The following DENND5B variants were observed in gnomAD, a reference collection of about 807,000 sequenced individuals.
The protein encoded by DENND5B is DENN domain containing 5B, also known as DENN domain-containing protein 5B.
DENND5B carries 34 observed loss-of-function variants against 140.6 expected under a neutral mutation model. The ratio of observed to expected loss-of-function variants is 0.24; its 90% CI spans 0.18 to 0.32. DENND5B has a LOEUF of 0.32. DENND5B is among the 10% of genes least tolerant of loss of function. The pLI is 1.00. For synonymous variants in DENND5B, 551 were observed against 562.1 expected (o/e 0.98, Z 0.28); for missense variants, 1,142 against 1,560.2 (o/e 0.73, Z 4.52).
chr12:31,565,493 G>C (rs986525527), intron 1 of DENND5B, among the ~76,000 whole-genome samples: 1 of 152,212 alleles, frequency 6.6e-6, no homozygotes, highest in Non-Finnish European at 1.5e-5. Flanking sequence ...TCCTAAAACA[G>C]ATGCACAACC....
chr12:31,516,278 C>T (rs1490939127), intron 1 of DENND5B, among the ~76,000 whole-genome samples: 1 of 151,958 alleles, frequency 6.6e-6, no homozygotes. Flanking sequence ...GAGTTTGAGA[C>T]CAGCCTGGGC....
chr12:31,477,010 T>C (rs926362862), intron 3 of DENND5B, among the ~76,000 whole-genome samples: 1 of 152,030 alleles, frequency 6.6e-6, no homozygotes, highest in Non-Finnish European at 1.5e-5. Flanking sequence ...GAGTGGATCA[T>C]GAGGTCAGGA....
At chr12:31,422,094 G>A (rs10843942) in intron 11 of DENND5B, among the ~76,000 whole-genome samples, 85,865 of 151,544 alleles carry the variant, frequency 0.57, 24,764 homozygotes, top group East Asian at 0.82. Context: ...GCCCTCTAGG[G>A]GCAGTGAGGG....
At chr12:31,438,279 C>A (rs1469566848) in intron 7 of DENND5B, among the ~76,000 whole-genome samples, 1 of 152,168 alleles carries the variant, frequency 6.6e-6, no homozygotes, top group African/African-American at 2.4e-5. Flanking sequence ...GGCCAATATT[C>A]CAGATTTTTA....
intron 1 of DENND5B, among the ~76,000 whole-genome samples, chr12:31,527,410 T>C (rs1948122791): frequency 6.6e-6 from 1 of 152,158 alleles, no homozygotes; most frequent in Non-Finnish European, 1.5e-5. Context: ...CCAGATCATA[T>C]GAGGGATCTG....
At chr12:31,547,766 T>C (rs1451490334) in intron 1 of DENND5B, among the ~76,000 whole-genome samples, 1 of 151,740 alleles carries the variant, frequency 6.6e-6, no homozygotes, top group Non-Finnish European at 1.5e-5. Flanking sequence ...AGTGCAATGG[T>C]GCGATCTTGG....
intron 11 of DENND5B, among the ~76,000 whole-genome samples, chr12:31,422,322 C>T (rs936278840): frequency 1.3e-5 from 2 of 151,090 alleles, no homozygotes; most frequent in African/African-American, 4.9e-5. Context: ...CCCAGCTACT[C>T]GGGAGGCTGA....
rs562252814 is a variant in DENND5B, at chr12:31,503,076, A to C, written c.128-7157T>G. ...TCCAGAAACACACTTCTGGGAGGGA[A>C]ACAATTGTTACATATGGGACTAGCA... On this transcript the variant is annotated intron_variant, in intron 1 of 20. Coordinates refer to ENST00000389082, the MANE Select transcript of DENND5B (RefSeq NM_144973.4). 2.6e-5 allele frequency among the ~76,000 whole-genome samples: 4 copies of C among 152,100 alleles called. No individual in the cohort carries two copies. In the South Asian group the frequency reaches 6.2e-4, roughly 24 times the overall value.
At chr12:31,534,737 T>C (rs924440739) in intron 1 of DENND5B, 3 of 339,944 alleles carry the variant, frequency 8.8e-6, no homozygotes, top group African/African-American at 4.5e-5. Context: ...AGAATTTGTA[T>C]AGCCTTCCAC....
At chr12:31,488,117 G>A (rs1591903102) in intron 2 of DENND5B, among the ~76,000 whole-genome samples, 2 of 144,452 alleles carry the variant, frequency 1.4e-5, no homozygotes, top group South Asian at 2.3e-4. Context: ...GATTATAGGC[G>A]TGCATACCCG....
chr12:31,464,752 G>A (rs1945182314), intron 3 of DENND5B, among the ~76,000 whole-genome samples: 1 of 151,974 alleles, frequency 6.6e-6, no homozygotes. Context: ...TGTAGAAAGG[G>A]GTTTCGCCAT....
rs115002257 is a variant in DENND5B, at chr12:31,399,731, G to A, written c.2991C>T (p.His997=). 1.8e-3 allele frequency: 2,861 copies of A among 1,613,810 alleles called. 45 individuals are homozygous for A. In the African/African-American group the frequency reaches 0.035, roughly 20 times the overall value. The stretch of plus-strand genomic sequence containing the variant: ...ATTTGGCTAACAGTCCTGAGTTATC[G>A]TGACCAATCTGAACAGTGGTCAGCT... The part of the protein sequence containing the change: ...LGKLTTVQIG[H]DNSGLLAKWL... The change falls in exon 16 of 21, where the codon CAC becomes CAT. Residue 997 remains histidine, a synonymous_variant. Coordinates refer to ENST00000389082, the MANE Select transcript of DENND5B (RefSeq NM_144973.4).
At position 31,447,758 on chromosome 12, in the gene DENND5B, C is replaced by T. The variant is rs762702933; in HGVS notation, c.1641G>A (p.Leu547=). 4 of 1,593,688 alleles carry T rather than the reference C, an allele frequency of 2.5e-6. No individual in the cohort carries two copies. The highest frequency in any genetic ancestry group is 1.8e-5 in the Admixed American group (1 of 56,216). ...QMQNFDKASF[L]SDQPEPYLPF... is the part of the protein sequence containing the mutation. ...GCAGGTAAGGCTCAGGCTGGTCAGA[C>T]AGAAAGGAAGCCTGTAATGAGATAA... is the stretch of plus-strand genomic sequence containing the variant. The change falls in exon 6 of 21, where the codon CTG becomes CTA. Residue 547 remains leucine (L), a synonymous_variant. Coordinates refer to ENST00000389082, the MANE Select transcript of DENND5B (RefSeq NM_144973.4).
intron 1 of DENND5B, among the ~76,000 whole-genome samples, chr12:31,510,059 C>T (rs145100478): frequency 0.036 from 5,551 of 152,228 alleles, 154 homozygotes; most frequent in Middle Eastern, 0.065. Flanking sequence ...CTTTTAAGTA[C>T]GATATCTTAT....
chr12:31,560,542 T>G (rs1036018499), intron 1 of DENND5B, among the ~76,000 whole-genome samples: 1 of 152,178 alleles, frequency 6.6e-6, no homozygotes, highest in Non-Finnish European at 1.5e-5. Flanking sequence ...CCTCCCTGCA[T>G]ACACACACAC....
In DENND5B at chr12:31,420,430, T is replaced by C. The variant is rs866035026; in HGVS notation, c.2470+3167A>G. ...GGGATTACAGAACTGGGTCACCATA[T>C]CCAGCCTCCCAACAATTTTTTTTTT... On this transcript the variant is annotated intron_variant, in intron 11 of 20. Coordinates refer to ENST00000389082, the MANE Select transcript of DENND5B (RefSeq NM_144973.4). Among the ~76,000 whole-genome samples, 4 of 145,560 alleles carry C rather than the reference T, an allele frequency of 2.7e-5. No individual in the cohort carries two copies. In the South Asian group the frequency reaches 6.8e-4, roughly 25 times the overall value.
chr12:31,589,956 C>T (rs895390531), intron 1 of DENND5B: 4 of 152,470 alleles, frequency 2.6e-5, no homozygotes, highest in Admixed American at 6.5e-5. Context: ...AGCGGAAGGA[C>T]CGGTACCCCT....
At chr12:31,396,509 C>T (rs1028023048) in intron 17 of DENND5B, 4 of 152,488 alleles carry the variant, frequency 2.6e-5, no homozygotes, top group African/African-American at 9.7e-5. Context: ...TTTCTCAATA[C>T]TTGAATGTGG....
At chr12:31,458,685 A>G (rs1420491422) in intron 4 of DENND5B, among the ~76,000 whole-genome samples, 4 of 152,240 alleles carry the variant, frequency 2.6e-5, no homozygotes, top group African/African-American at 9.6e-5. Flanking sequence ...ATTACAGGAA[A>G]TAATGGCTGT....
Sources: gnomAD v4.1 joint callset for allele counts (sites outside exome capture counted in the v4.1 genomes callset) on GRCh38, gnomAD v4.1.1 for gene constraint, MANE v1.5 for transcripts, NCBI Gene and HGNC (gene_info 2026-07-23, HGNC 2026-07-21) for gene names.